CARMIL1: variants seen among roughly 807,000 people sequenced by gnomAD.
The protein encoded by CARMIL1 is F-actin-uncapping protein LRRC16A.
Under a neutral mutation model 177.1 loss-of-function variants are expected in CARMIL1, and 90 were observed. The observed-to-expected ratio is 0.51, with a 90% CI of 0.43 to 0.61. CARMIL1 has a LOEUF of 0.61. Ranked by LOEUF, CARMIL1 falls within the 20% of genes least tolerant of loss-of-function variation. CARMIL1 has a pLI of 0.00. For synonymous variants in CARMIL1, 577 were observed against 606.2 expected (o/e 0.95, Z 0.71); for missense variants, 1,380 against 1,667.0 (o/e 0.83, Z 3.00).
At chr6:25,533,392 C>T (rs1042326145) in intron 24 of CARMIL1, among the ~76,000 whole-genome samples, 1 of 152,194 alleles carries the variant, frequency 6.6e-6, no homozygotes, top group East Asian at 1.9e-4. Flanking sequence ...TAGTCACTTA[C>T]TCACCTCTTT....
chr6:25,442,488 G>A (rs539420571), intron 5 of CARMIL1, among the ~76,000 whole-genome samples: 1 of 143,276 alleles, frequency 7.0e-6, no homozygotes, highest in Admixed American at 7.0e-5. Context: ...GTGTGTGTAT[G>A]TGTGTGTGAG....
Position 25,442,508 on chromosome 6 carries a change from G to A in CARMIL1, c.371+6904G>A, listed in dbSNP as rs115728527. Among the ~76,000 whole-genome samples, 863 of 151,330 alleles carry A rather than the reference G, an allele frequency of 5.7e-3. 7 individuals are homozygous for A. The highest frequency in any genetic ancestry group is 0.014 in the African/African-American group (576 of 41,206). ...TGTATGTGTGTGTGAGCTGGTGCCC[G>A]GTAACAAATACACTGATGGGGCTCC... On this transcript the variant is annotated intron_variant, in intron 5 of 36. Transcript: ENST00000329474.
Position 25,488,465 on chromosome 6 carries a change from T to A in CARMIL1, c.962-17T>A, listed in dbSNP as rs1216969158. ...TCCTGGAGTGCAAACTGAGCCTGGA[T>A]TTTCTTGATGTTGCAGGGGTGAACA... On this transcript the variant is annotated splice_polypyrimidine_tract_variant and intron_variant, in intron 12 of 36. Coordinates refer to ENST00000329474, the MANE Select transcript of CARMIL1 (RefSeq NM_017640.6). The A allele has an allele frequency of 6.2e-7, 1 of 1,602,812 alleles. No individual in the cohort carries two copies. Among genetic ancestry groups the A allele is most frequent in the Non-Finnish European group, 8.5e-7 (1 of 1,169,674 alleles).
intron 4 of CARMIL1, among the ~76,000 whole-genome samples, chr6:25,433,619 A>G (rs1796993233): frequency 6.6e-6 from 1 of 152,212 alleles, no homozygotes; most frequent in Non-Finnish European, 1.5e-5. Context: ...TTAGAAGACA[A>G]ATGGAGCCTT....
chr6:25,491,797 T>G lies in CARMIL1; in HGVS notation c.1131T>G (p.Cys377Trp). The change falls in exon 14 of 37, where the codon TGT becomes TGG. Residue 377 changes from cysteine to tryptophan, a missense_variant. By Grantham distance (215) the Cys-to-Trp change is radical. Transcript: ENST00000329474. ...ATCTGGATTTATCCAATACAGAATG[T>G]TCCCTGGACATGGTAAATTTAAAAT... ...IVHLDLSNTECSLDMVCGALL... is the reference protein window; with the variant it reads ...IVHLDLSNTEWSLDMVCGALL... 3 of 1,596,552 alleles carry G rather than the reference T, an allele frequency of 1.9e-6. No homozygotes were observed. The highest frequency in any genetic ancestry group is 2.6e-6 in the Non-Finnish European group (3 of 1,170,622).
intron 2 of CARMIL1, among the ~76,000 whole-genome samples, chr6:25,372,501 T>C (rs900756218): frequency 1.3e-5 from 2 of 152,174 alleles, no homozygotes; most frequent in African/African-American, 4.8e-5. Context: ...TTATTTTTGC[T>C]GTTATTATAA....
intron 31 of CARMIL1, among the ~76,000 whole-genome samples, chr6:25,584,584 A>G (rs1452090979): frequency 6.6e-6 from 1 of 151,870 alleles, no homozygotes; most frequent in Non-Finnish European, 1.5e-5. Flanking sequence ...AAACAGGAGA[A>G]ACCTTTGTAT....
In CARMIL1 at chr6:25,279,539, T is replaced by G; in HGVS notation, c.-257T>G. Reference sequence around the variant, plus strand: ...GCCCGCTTGTAATCCGGTCCGCTCCTTATTCAGCCGCCGGGAACTGCGAGG... The same window carrying G: ...GCCCGCTTGTAATCCGGTCCGCTCCGTATTCAGCCGCCGGGAACTGCGAGG... On this transcript the variant is annotated 5_prime_UTR_variant, in exon 1 of 37. Coordinates refer to ENST00000329474, the MANE Select transcript of CARMIL1 (RefSeq NM_017640.6). The G allele has an allele frequency of 1.8e-6, 1 of 562,772 alleles. No homozygotes were observed. The highest frequency in any genetic ancestry group is 3.2e-6 in the Non-Finnish European group (1 of 314,062). The allele number at this position is 562,772 out of a possible 1,614,324, so 34.9% of individuals were successfully genotyped here.
chr6:25,510,649 C>T (rs375983393), intron 19 of CARMIL1, 43 bp downstream of exon 19: 80 of 1,494,604 alleles, frequency 5.4e-5, no homozygotes, highest in Non-Finnish European at 6.8e-5. Flanking sequence ...ATGAAAATAA[C>T]CAGCCTCCTG....
chr6:25,325,741 T>C (rs1386084856), intron 2 of CARMIL1, among the ~76,000 whole-genome samples: 2 of 152,204 alleles, frequency 1.3e-5, no homozygotes, highest in East Asian at 3.8e-4. Flanking sequence ...GCTTGATTAG[T>C]CTTGCTAGGC....
rs561122926 is a variant in CARMIL1, at chr6:25,487,653, C to A, written c.962-829C>A. On this transcript the variant is annotated intron_variant, in intron 12 of 36. Coordinates refer to ENST00000329474, the MANE Select transcript of CARMIL1 (RefSeq NM_017640.6). ...GATTGAGTCTCAGTGAGTGATTAGA[C>A]CCTTCTGGGCTCCCATTTTATAATG... 3.3e-5 allele frequency among the ~76,000 whole-genome samples: 5 copies of A among 152,206 alleles called. No homozygotes were observed. The East Asian group carries it at 7.7e-4, about 24-fold the overall frequency.
intron 5 of CARMIL1, among the ~76,000 whole-genome samples, chr6:25,442,096 C>G (rs1797827087): frequency 1.3e-5 from 2 of 151,820 alleles, no homozygotes; most frequent in African/African-American, 2.4e-5. Flanking sequence ...AAAGCATGTG[C>G]TATTCTGGAG....
chr6:25,377,856 G>T (rs1408582432), intron 2 of CARMIL1, among the ~76,000 whole-genome samples: 1 of 152,196 alleles, frequency 6.6e-6, no homozygotes, highest in Non-Finnish European at 1.5e-5. Context: ...GCTTGCAAAA[G>T]AGTACCAGCT....
At chr6:25,475,400 CAAA>C (rs759669150) in intron 11 of CARMIL1, among the ~76,000 whole-genome samples, 5 of 88,022 alleles carry the variant, frequency 5.7e-5, no homozygotes, top group Non-Finnish European at 2.4e-5. Flanking sequence ...GACTCCGTCT[CAAA>C]AAAAAAAAAA....
intron 2 of CARMIL1, among the ~76,000 whole-genome samples, chr6:25,412,782 G>A (rs561062192): frequency 6.6e-6 from 1 of 152,234 alleles, no homozygotes; most frequent in Non-Finnish European, 1.5e-5. Flanking sequence ...GAAGAGGCTG[G>A]GTTTGACTTA....
intron 29 of CARMIL1, chr6:25,576,892 C>G: frequency 1.3e-4 from 64 of 501,804 alleles, no homozygotes; most frequent in East Asian, 1.5e-4. Flanking sequence ...TGAATGGTAT[C>G]CCTCTCCCTC....
At chr6:25,423,140 T>C (rs1241146434) in intron 3 of CARMIL1, among the ~76,000 whole-genome samples, 1 of 152,224 alleles carries the variant, frequency 6.6e-6, no homozygotes, top group South Asian at 2.1e-4. Context: ...AATAAGTATA[T>C]TTATAACATT....
intron 33 of CARMIL1, among the ~76,000 whole-genome samples, chr6:25,603,993 AG>A (rs1421878207): frequency 6.6e-6 from 1 of 152,202 alleles, no homozygotes; most frequent in Non-Finnish European, 1.5e-5. Context: ...CCTCAAAGCA[AG>A]GAAGACCCTG....
At chr6:25,510,896 A>G in intron 20 of CARMIL1, 134 bp downstream of exon 20, 1 of 608,494 alleles carries the variant, frequency 1.6e-6, no homozygotes, top group Non-Finnish European at 2.8e-6. Flanking sequence ...CTTTTTAAAA[A>G]TGGAATAAAT....
Sources: allele counts gnomAD v4.1 joint callset (sites outside exome capture counted in the v4.1 genomes callset), GRCh38; gene constraint gnomAD v4.1.1; transcripts MANE v1.5; gene names NCBI Gene and HGNC (gene_info 2026-07-23, HGNC 2026-07-21).